The following PELI2 variants were observed in gnomAD, a reference collection of about 807,000 sequenced individuals.
PELI2 encodes E3 ubiquitin-protein ligase pellino homolog 2.
PELI2 carries 23 observed loss-of-function variants against 42.3 expected under a neutral mutation model. The ratio of observed to expected loss-of-function variants is 0.54; its 90% CI spans 0.39 to 0.77. The LOEUF is 0.77. Ranked by LOEUF, PELI2 falls within the 30% of genes least tolerant of loss-of-function variation. The pLI is 0.00. For missense variants in PELI2, 463 were observed against 553.2 expected, an observed-to-expected ratio of 0.84 and a Z score of 1.64; for synonymous variants, 245 against 212.2, an observed-to-expected ratio of 1.15 and a Z score of -1.34.
chr14:56,285,060 G>A (rs914121277), intron 3 of PELI2, among the ~76,000 whole-genome samples: 2 of 152,210 alleles, frequency 1.3e-5, no homozygotes, highest in Non-Finnish European at 2.9e-5. Flanking sequence ...ATTTTAAGCA[G>A]GAGAGAGGTA....
Position 56,273,281 on chromosome 14 carries a change from G to A in PELI2, c.208-6395G>A, listed in dbSNP as rs181471927. On this transcript the variant is annotated intron_variant, in intron 2 of 5. Transcript: ENST00000267460. This position sits in a 1 kb window ranked among gnomAD's most constrained non-coding sequence, Gnocchi z 4.3. ...AGCCTAGTGGCATGTACGTAGTCAG[G>A]CTTCTTGCCCACAGCTGGGAACCCC... 1.1e-3 allele frequency among the ~76,000 whole-genome samples: 173 copies of A among 152,294 alleles called. No individual in the cohort carries two copies. Among genetic ancestry groups the A allele is most frequent in the African/African-American group, 4.0e-3 (167 of 41,568 alleles).
chr14:56,170,110 T>G (rs1275844573), intron 1 of PELI2, among the ~76,000 whole-genome samples: 3 of 152,222 alleles, frequency 2.0e-5, no homozygotes, highest in African/African-American at 7.2e-5. Context: ...GTGTACAGTC[T>G]ACTTTGATCA....
chr14:56,214,860 G>C (rs1886843713), intron 2 of PELI2, among the ~76,000 whole-genome samples: 1 of 152,222 alleles, frequency 6.6e-6, no homozygotes, highest in Non-Finnish European at 1.5e-5. Flanking sequence ...AGCCTCGGGA[G>C]AAATGACCAA....
intron 2 of PELI2, among the ~76,000 whole-genome samples, chr14:56,249,406 T>C (rs1888268909): frequency 6.6e-6 from 1 of 152,072 alleles, no homozygotes. Context: ...TGTGAAAGCC[T>C]CTCCTCCCCC....
intron 5 of PELI2, chr14:56,292,989 A>G (rs138296518): frequency 2.1e-4 from 42 of 198,234 alleles, no homozygotes; most frequent in African/African-American, 9.9e-4. Context: ...AGTTGATTGC[A>G]TACCTAATTT....
At chr14:56,278,884 C>T (rs1235962889) in intron 2 of PELI2, among the ~76,000 whole-genome samples, 2 of 152,006 alleles carry the variant, frequency 1.3e-5, no homozygotes, top group African/African-American at 2.4e-5. Context: ...GAATAGAACA[C>T]AATTGAAATA....
chr14:56,130,106 C>G (rs895973011), intron 1 of PELI2, among the ~76,000 whole-genome samples: 2 of 151,924 alleles, frequency 1.3e-5, no homozygotes, highest in Non-Finnish European at 2.9e-5. Flanking sequence ...TCTGGCTAGA[C>G]TCTTGCTGCT....
intron 2 of PELI2, among the ~76,000 whole-genome samples, chr14:56,244,683 G>A (rs755567554): frequency 6.6e-6 from 1 of 152,148 alleles, no homozygotes; most frequent in Non-Finnish European, 1.5e-5. Flanking sequence ...ACTGGGCTGT[G>A]TAAATAGATT....
intron 2 of PELI2, among the ~76,000 whole-genome samples, chr14:56,266,527 CTA>C (rs1888912330): frequency 6.6e-6 from 1 of 152,040 alleles, no homozygotes; most frequent in Non-Finnish European, 1.5e-5. Context: ...ATTAAAAGCA[CTA>C]TGAGATTACT....
At chr14:56,139,436 T>G (rs1199003873) in intron 1 of PELI2, among the ~76,000 whole-genome samples, 1 of 152,206 alleles carries the variant, frequency 6.6e-6, no homozygotes, top group Non-Finnish European at 1.5e-5. Flanking sequence ...TACCCTGAAG[T>G]TTTTTGTTGC....
chr14:56,246,864 G>A (rs950299786), intron 2 of PELI2, among the ~76,000 whole-genome samples: 3 of 152,048 alleles, frequency 2.0e-5, no homozygotes, highest in Non-Finnish European at 2.9e-5. Context: ...TCTTGGCCAC[G>A]TTTCCTTTTT....
chr14:56,295,644 T>C (rs564100763), intron 5 of PELI2, among the ~76,000 whole-genome samples: 1 of 152,354 alleles, frequency 6.6e-6, no homozygotes, highest in South Asian at 2.1e-4. Flanking sequence ...TTGCATTTAC[T>C]TATCTAACAC....
intron 2 of PELI2, 101 bp downstream of exon 2, chr14:56,178,565 A>C (rs1184222395): frequency 7.6e-7 from 1 of 1,311,148 alleles, no homozygotes; most frequent in African/African-American, 1.4e-5. Context: ...CATGTAGGAC[A>C]GTCTCTCAGA....
intron 2 of PELI2, among the ~76,000 whole-genome samples, chr14:56,276,566 T>G (rs1178607307): frequency 1.3e-5 from 2 of 152,196 alleles, no homozygotes; most frequent in Admixed American, 6.5e-5. Flanking sequence ...TCGAGGTGAC[T>G]ATCATGCTAG....
chr14:56,291,256 A>C (rs1255530689), intron 5 of PELI2, among the ~76,000 whole-genome samples: 1 of 152,218 alleles, frequency 6.6e-6, no homozygotes, highest in Non-Finnish European at 1.5e-5. Flanking sequence ...GGAGTTCTTC[A>C]AAACTCCCAC....
At chr14:56,214,404 G>T (rs1374437794) in intron 2 of PELI2, among the ~76,000 whole-genome samples, 8 of 152,162 alleles carry the variant, frequency 5.3e-5, no homozygotes, top group Admixed American at 5.2e-4. Context: ...TGGATTGATT[G>T]GGTTTAGGAA....
chr14:56,270,622 C>CA (rs1454286240), intron 2 of PELI2, among the ~76,000 whole-genome samples: 1 of 152,070 alleles, frequency 6.6e-6, no homozygotes, highest in African/African-American at 2.4e-5. Context: ...TAGTGGGGTC[C>CA]AAAAAAATGT....
At chr14:56,255,459 G>C (rs1354989058) in intron 2 of PELI2, among the ~76,000 whole-genome samples, 1 of 152,094 alleles carries the variant, frequency 6.6e-6, no homozygotes, top group Non-Finnish European at 1.5e-5. Flanking sequence ...ACACAGGGAG[G>C]GAAACATCAT....
chr14:56,254,396 C>CA (rs34029214), intron 2 of PELI2, among the ~76,000 whole-genome samples: 35,390 of 137,098 alleles, frequency 0.26, 5,891 homozygotes, highest in African/African-American at 0.47. Flanking sequence ...GACTCCATCT[C>CA]AAAAAAAAAA....
Sources: allele counts gnomAD v4.1 joint callset (sites outside exome capture counted in the v4.1 genomes callset), GRCh38; gene constraint gnomAD v4.1.1; non-coding constraint Gnocchi (gnomAD v3.1); transcripts MANE v1.5; gene names NCBI Gene and HGNC (gene_info 2026-07-23, HGNC 2026-07-21).